SLC2A5: variants seen among roughly 807,000 people sequenced by gnomAD.
SLC2A5 encodes the protein solute carrier family 2, facilitated glucose transporter member 5.
In SLC2A5, 56 loss-of-function variants were observed where a neutral mutation model predicts 50.3. The observed-to-expected ratio is 1.11, with a 90% CI of 0.90 to 1.39. SLC2A5 has a LOEUF of 1.39. Among genes scored for constraint, SLC2A5 ranks in the 40% most tolerant of loss-of-function variants. SLC2A5 has a pLI of 0.00. For missense variants in SLC2A5, 566 were observed against 650.1 expected, an observed-to-expected ratio of 0.87 and a Z score of 1.41; for synonymous variants, 269 against 281.9, an observed-to-expected ratio of 0.95 and a Z score of 0.46.
In SLC2A5 at chr1:9,038,423, G is replaced by A; in HGVS notation, c.1174+8C>T. The A allele has an allele frequency of 6.2e-7, 1 of 1,609,134 alleles. No homozygotes were observed. Among genetic ancestry groups the A allele is most frequent in the Non-Finnish European group, 8.5e-7 (1 of 1,175,844 alleles). Reference sequence around the variant, plus strand: ...TGTGACACCCTGAGGCCAGCTTTGGGTACGTACTGGGCCCGAGGGCATGTC... The same window carrying A: ...TGTGACACCCTGAGGCCAGCTTTGGATACGTACTGGGCCCGAGGGCATGTC... On this transcript the variant is annotated splice_region_variant and intron_variant, in intron 10 of 11. Transcript: ENST00000377424.
intron 2 of SLC2A5, among the ~76,000 whole-genome samples, chr1:9,079,878 A>G (rs1279949643): frequency 1.3e-5 from 2 of 152,154 alleles, no homozygotes; most frequent in South Asian, 2.1e-4. Flanking sequence ...TGTGGTAAGT[A>G]TATTCACATT....
intron 3 of SLC2A5, 52 bp downstream of exon 3, chr1:9,057,396 C>T: frequency 7.3e-7 from 1 of 1,373,694 alleles, no homozygotes. Flanking sequence ...TGTATTTTAG[C>T]TCTGATGGGG....
At chr1:9,065,893 G>A (rs966865890) in intron 1 of SLC2A5, among the ~76,000 whole-genome samples, 2 of 152,066 alleles carry the variant, frequency 1.3e-5, no homozygotes, top group African/African-American at 2.4e-5. Flanking sequence ...GCAATGAGCC[G>A]TGATTGTGCC....
At chr1:9,082,777 T>C (rs1019906451) in intron 2 of SLC2A5, 4 of 426,650 alleles carry the variant, frequency 9.4e-6, no homozygotes, top group African/African-American at 8.6e-5. Flanking sequence ...AACCCTGACC[T>C]AAAGTAAATT....
chr1:9,075,751 C>T (rs1193042346), intron 2 of SLC2A5, among the ~76,000 whole-genome samples: 1 of 152,078 alleles, frequency 6.6e-6, no homozygotes, highest in Non-Finnish European at 1.5e-5. Flanking sequence ...ACCTCGGCCT[C>T]CCAAGTTCAA....
chr1:9,047,865 TG>T, intron 3 of SLC2A5, 131 bp from the exon 4 acceptor site: 1 of 931,496 alleles, frequency 1.1e-6, no homozygotes, highest in Non-Finnish European at 1.6e-6. Flanking sequence ...TTTAGCTCTC[TG>T]GGACCTGAGA....
At chr1:9,041,580 A>C in intron 5 of SLC2A5, 1 of 1,426,962 alleles carries the variant, frequency 7.0e-7, no homozygotes, top group South Asian at 1.7e-5. Context: ...CTAGATAGTA[A>C]ACGCTGGCCA....
chr1:9,038,547 C>T (rs1641199039), intron 9 of SLC2A5, 41 bp from the exon 10 acceptor site: 1 of 1,559,618 alleles, frequency 6.4e-7, no homozygotes, highest in African/African-American at 1.4e-5. Flanking sequence ...AGCAGACAAG[C>T]TAGGACGGGA....
rs1641160105 is a variant in SLC2A5, at chr1:9,037,439, C to T, written c.*147G>A. Reference sequence around the variant, plus strand: ...GCAAGGCAGCCCTTTGCACAGTTCCCACTGGGGTGGGGAGGCTGGAGATGA... The same window carrying T: ...GCAAGGCAGCCCTTTGCACAGTTCCTACTGGGGTGGGGAGGCTGGAGATGA... On this transcript the variant is annotated 3_prime_UTR_variant, in exon 12 of 12. Transcript: ENST00000377424. The T allele has an allele frequency of 2.9e-6, 2 of 693,438 alleles. No homozygotes were observed. Among genetic ancestry groups the T allele is most frequent in the Admixed American group, 4.9e-5 (2 of 40,694 alleles). 43.0% of individuals were successfully genotyped at this position (693,438 alleles called of 1,614,324 possible).
chr1:9,059,136 CTTT>C (rs869052429), intron 1 of SLC2A5, among the ~76,000 whole-genome samples: 6 of 53,924 alleles, frequency 1.1e-4, no homozygotes, highest in African/African-American at 2.3e-4. Context: ...GCCTTTCTTT[CTTT>C]TTTTTTTTTT....
chr1:9,091,305 T>C (rs933150064), upstream of SLC2A5, among the ~76,000 whole-genome samples: 10 of 152,206 alleles, frequency 6.6e-5, no homozygotes, highest in Non-Finnish European at 1.0e-4. Flanking sequence ...TATATTTACA[T>C]AGTTCTCATA....
chr1:9,059,106 A>T (rs1342735022), intron 1 of SLC2A5, among the ~76,000 whole-genome samples: 8 of 147,244 alleles, frequency 5.4e-5, no homozygotes, highest in African/African-American at 1.8e-4. Flanking sequence ...ACCTTCTTCC[A>T]TCTACTCTGA....
Position 9,037,655 on chromosome 1 carries a change from A to T in SLC2A5, c.1437T>A (p.Asn479Lys), listed in dbSNP as rs777401251. Residue 479 changes from asparagine (N) to lysine (K), a missense_variant, in exon 12 of 12, where the codon AAT becomes AAA. By Grantham distance (94) the Asn-to-Lys change is moderately conservative (BLOSUM62 0). Coordinates refer to ENST00000377424, the MANE Select transcript of SLC2A5 (RefSeq NM_003039.3). ...TTTCCGGGTACACTTCAGACACCTTATTCATCTTGGTGAAAATCTGGTTGA... is the reference window on the plus strand; with the variant it reads ...TTTCCGGGTACACTTCAGACACCTTTTTCATCTTGGTGAAAATCTGGTTGA... ...IEINQIFTKMNKVSEVYPEKE... is the reference protein window; with the variant it reads ...IEINQIFTKMKKVSEVYPEKE... 1 of 1,614,150 alleles carries T rather than the reference A, an allele frequency of 6.2e-7. No individual in the cohort carries two copies. Among genetic ancestry groups the T allele is most frequent in the East Asian group, 2.2e-5 (1 of 44,874 alleles).
intron 2 of SLC2A5, 22 bp downstream of exon 2, chr1:9,058,130 C>A: frequency 1.9e-6 from 3 of 1,584,916 alleles, no homozygotes; most frequent in Non-Finnish European, 2.6e-6. Flanking sequence ...CTCCCCACAT[C>A]TTGCTCACCA....
intron 2 of SLC2A5, among the ~76,000 whole-genome samples, chr1:9,083,150 A>G (rs1642371066): frequency 6.6e-6 from 1 of 152,248 alleles, no homozygotes; most frequent in Non-Finnish European, 1.5e-5. Flanking sequence ...TTTAAAGACA[A>G]CTACTTTGCT....
At position 9,058,172 on chromosome 1, in the gene SLC2A5, C is replaced by A. The variant is rs1312303033; in HGVS notation, c.112G>T (p.Ala38Ser). Residue 38 changes from alanine to serine, a missense_variant, in exon 2 of 12, where the codon GCT (alanine) becomes TCT (serine). Transcript: ENST00000377424. ...CCTACCAGTGCTGGGGAGTTGACAG[C>A]AGCCACGTTGTACCCATACTGGAAG... ...SSFQYGYNVA[A>S]VNSPALLMQQ... 1 of 1,613,690 alleles carries A rather than the reference C, an allele frequency of 6.2e-7. No individual in the cohort carries two copies. The highest frequency in any genetic ancestry group is 1.3e-5 in the African/African-American group (1 of 74,930).
chr1:9,059,418 C>T (rs1348721960), intron 1 of SLC2A5, among the ~76,000 whole-genome samples: 1 of 151,898 alleles, frequency 6.6e-6, no homozygotes, highest in East Asian at 1.9e-4. Flanking sequence ...ACTGGGATTA[C>T]AGGCGTGAGC....
At chr1:9,077,950 TAAA>T in intron 2 of SLC2A5, among the ~76,000 whole-genome samples, 1 of 151,216 alleles carries the variant, frequency 6.6e-6, no homozygotes, top group East Asian at 1.9e-4. Flanking sequence ...AGTAAAGAAA[TAAA>T]AAAAAGGCTA....
chr1:9,060,377 C>T (rs111067971), intron 1 of SLC2A5, among the ~76,000 whole-genome samples: 4,701 of 134,960 alleles, frequency 0.035, 142 homozygotes, highest in African/African-American at 0.069. Context: ...CATACACACA[C>T]GCACACATGC....
Sources: allele counts gnomAD v4.1 joint callset (sites outside exome capture counted in the v4.1 genomes callset), GRCh38; gene constraint gnomAD v4.1.1; transcripts MANE v1.5; gene names NCBI Gene and HGNC (gene_info 2026-07-23, HGNC 2026-07-21).